Variants in RB1 observed in about 807,000 individuals in gnomAD.
The protein encoded by RB1 is RB transcriptional corepressor 1, also known as retinoblastoma-associated protein.
Under a neutral mutation model 135.4 loss-of-function variants are expected in RB1, and 18 were observed. The observed-to-expected ratio is 0.13, with a 90% CI of 0.09 to 0.20. The LOEUF is 0.20. RB1 is among the 10% of genes least tolerant of loss of function. The pLI, the probability that RB1 is intolerant of heterozygous loss-of-function variation, is 1.00. For missense variants in RB1, 868 were observed against 1,110.0 expected, an observed-to-expected ratio of 0.78 and a Z score of 3.10; for synonymous variants, 365 against 373.2, an observed-to-expected ratio of 0.98 and a Z score of 0.25.
chr13:48,457,756 G>C (rs1014518535), intron 19 of RB1, among the ~76,000 whole-genome samples: 9 of 152,246 alleles, frequency 5.9e-5, no homozygotes, highest in Non-Finnish European at 1.0e-4. Context: ...TGTCAGCGCT[G>C]CCTTGAGCGT....
At chr13:48,381,490 A>G (rs2138146059) in intron 17 of RB1, 47 bp downstream of exon 17, 1 of 1,565,526 alleles carries the variant, frequency 6.4e-7, no homozygotes, top group Non-Finnish European at 8.8e-7. Flanking sequence ...GCATATGGCT[A>G]ACAAATTATT....
In RB1 at chr13:48,376,792, T is replaced by G. The variant is rs118039740; in HGVS notation, c.1216-126T>G. On this transcript the variant is annotated intron_variant, in intron 12 of 26. Coordinates refer to ENST00000267163, the MANE Select transcript of RB1 (RefSeq NM_000321.3). Reference sequence around the variant, plus strand: ...CTTATGTTCAGTAGTTGTGGTTACCTAGTTATTATGGAAGTGTTTCCACAT... The same window carrying G: ...CTTATGTTCAGTAGTTGTGGTTACCGAGTTATTATGGAAGTGTTTCCACAT... The G allele has an allele frequency of 4.1e-3, 5,789 of 1,413,828 alleles. 17 individuals carry two copies. Among genetic ancestry groups the G allele is most frequent in the Non-Finnish European group, 4.8e-3 (4,947 of 1,026,926 alleles). The allele number at this position is 1,413,828 out of a possible 1,614,324, so 87.6% of individuals were successfully genotyped here.
At position 48,337,737 on chromosome 13, in the gene RB1, G is replaced by T. The variant is rs1378264405; in HGVS notation, c.265-4862G>T. On this transcript the variant is annotated intron_variant, in intron 2 of 26. Transcript: ENST00000267163. ...TCCTGTCATTATGATGTTAGCTGGTGATTTTGCTCGTTAGTTGATGCAGTT... is the reference window on the plus strand; with the variant it reads ...TCCTGTCATTATGATGTTAGCTGGTTATTTTGCTCGTTAGTTGATGCAGTT... 7.9e-5 allele frequency among the ~76,000 whole-genome samples: 12 copies of T among 152,200 alleles called. No individual in the cohort carries two copies. The South Asian group carries it at 1.2e-3, about 16-fold the overall frequency.
At position 48,459,900 on chromosome 13, in the gene RB1, T is replaced by TTCCTTC. The variant is rs1566235644; in HGVS notation, c.2106+67_2106+68insTCCTTC. ...CTTGTTAACTGATTCTTTCTTTCTTTCTTTCTTTCTTTCTTTCTTTCTTTC... is the reference window on the plus strand; with the variant it reads ...CTTGTTAACTGATTCTTTCTTTCTTTTCCTTCCTTTCTTTCTTTCTTTCTTTCTTTC... On this transcript the variant is annotated intron_variant, in intron 20 of 26. Transcript: ENST00000267163. 6.7e-6 allele frequency: 3 copies of TTCCTTC among 449,378 alleles called. No homozygotes were observed. In the African/African-American group the frequency reaches 1.5e-4, roughly 23 times the overall value. The allele number at this position is 449,378 out of a possible 1,614,324, so 27.8% of individuals were successfully genotyped here.
In RB1 at chr13:48,465,236, C is replaced by A. The variant is rs778755215; in HGVS notation, c.2357C>A (p.Pro786His). The change falls in exon 23 of 27, where the codon CCT becomes CAT. Residue 786 changes from proline (P) to histidine (H), a missense_variant. By Grantham distance (77) the Pro-to-His change is moderately conservative (BLOSUM62 -2). Coordinates refer to ENST00000267163, the MANE Select transcript of RB1 (RefSeq NM_000321.3). ...PPTLSPIPHI[P>H]RSPYKFPSSP... ...ACCTTGTCACCAATACCTCACATTCCTCGAAGCCCTTACAAGTTTCCTAGT... is the reference window on the plus strand; with the variant it reads ...ACCTTGTCACCAATACCTCACATTCATCGAAGCCCTTACAAGTTTCCTAGT... The A allele has an allele frequency of 6.2e-7, 1 of 1,613,854 alleles. No individual in the cohort carries two copies.
At chr13:48,411,381 GT>G in intron 17 of RB1, 1 of 1,605,780 alleles carries the variant, frequency 6.2e-7, no homozygotes, top group Non-Finnish European at 8.5e-7. Flanking sequence ...AGTCCTAATG[GT>G]TTTATTTCAG....
chr13:48,416,118 TAAAC>T (rs1285073999), intron 17 of RB1, among the ~76,000 whole-genome samples: 1 of 152,184 alleles, frequency 6.6e-6, no homozygotes, highest in Non-Finnish European at 1.5e-5. Flanking sequence ...GAGCGAAAAT[TAAAC>T]AGAGCCAGAT....
chr13:48,304,196 G>T, intron 1 of RB1, 147 bp downstream of exon 1: 1 of 929,994 alleles, frequency 1.1e-6, no homozygotes, highest in Non-Finnish European at 1.4e-6. Flanking sequence ...CCCCGCCACG[G>T]CGGAGCGTCT....
At chr13:48,317,183 C>T (rs1453601708) in intron 2 of RB1, 8 of 583,230 alleles carry the variant, frequency 1.4e-5, no homozygotes, top group South Asian at 4.4e-5. Context: ...GTGGAGGCAG[C>T]CCCATGTCGG....
chr13:48,324,862 GTT>G (rs1555281060), intron 2 of RB1, among the ~76,000 whole-genome samples: 3 of 139,206 alleles, frequency 2.2e-5, no homozygotes, highest in African/African-American at 5.3e-5. Context: ...TTGTTTGTTT[GTT>G]TTTGTTTTTG....
rs914597509 is a variant in RB1 at position 48,318,846 on chromosome 13, G to A, written c.264+11440G>A. 30 of 991,374 alleles carry A rather than the reference G, an allele frequency of 3.0e-5. No individual in the cohort carries two copies. In the Admixed American group the frequency reaches 5.0e-4, roughly 17 times the overall value. The allele number at this position is 991,374 out of a possible 1,614,324, so 61.4% of individuals were successfully genotyped here. On this transcript the variant is annotated intron_variant, in intron 2 of 26. Coordinates refer to ENST00000267163, the MANE Select transcript of RB1 (RefSeq NM_000321.3). ...CTCACCTCTGGCCAGCAAACTCCCC[G>A]ACTATGCCTTGAGGGTCAAAACGTC...
At chr13:48,419,099 C>G (rs948268946) in intron 17 of RB1, among the ~76,000 whole-genome samples, 2 of 152,142 alleles carry the variant, frequency 1.3e-5, no homozygotes, top group African/African-American at 4.8e-5. Context: ...TTCTTAGCAC[C>G]ACATCACACT....
chr13:48,471,968 A>G (rs1389173558), intron 23 of RB1, among the ~76,000 whole-genome samples: 1 of 152,234 alleles, frequency 6.6e-6, no homozygotes, highest in East Asian at 1.9e-4. Context: ...AATGATGAGT[A>G]TGAAGCTGTT....
chr13:48,349,165 T>G, intron 6 of RB1, 142 bp downstream of exon 6: 1 of 830,522 alleles, frequency 1.2e-6, no homozygotes, highest in Non-Finnish European at 1.7e-6. Flanking sequence ...GTTAGCAAGT[T>G]CCTATAATTC....
chr13:48,328,084 T>C (rs561356095), intron 2 of RB1: 1 of 843,482 alleles, frequency 1.2e-6, no homozygotes, highest in South Asian at 1.4e-5. Flanking sequence ...ATCATTTAAT[T>C]GTCTTGGTCA....
At chr13:48,311,586 A>C (rs879538269) in intron 2 of RB1, among the ~76,000 whole-genome samples, 3 of 143,784 alleles carry the variant, frequency 2.1e-5, no homozygotes, top group Non-Finnish European at 4.7e-5. Flanking sequence ...GGTACAGTAG[A>C]TCATCCATAT....
In RB1 at chr13:48,307,360, G is replaced by A. The variant is rs758881668; in HGVS notation, c.218G>A (p.Arg73Lys). The A allele has an allele frequency of 6.2e-7, 1 of 1,612,960 alleles. No individual in the cohort carries two copies. The highest frequency in any genetic ancestry group is 8.5e-7 in the Non-Finnish European group (1 of 1,179,124). Residue 73 changes from arginine to lysine, a missense_variant, in exon 2 of 27, where the codon AGA (arginine) becomes AAA (lysine). This residue lies in a region of RB1 where 641 missense variants were observed against 791.3 expected (regional missense o/e 0.81). Transcript: ENST00000267163. ...AAGATACCAGATCATGTCAGAGAGA[G>A]AGCTTGGTTAACTTGGGAGAAAGTT... ...KLKIPDHVRERAWLTWEKVSS... is the reference protein window; with the variant it reads ...KLKIPDHVREKAWLTWEKVSS...
At chr13:48,368,725 G>T (rs1952728969) in intron 11 of RB1, 121 bp downstream of exon 11, 14 of 1,390,382 alleles carry the variant, frequency 1.0e-5, no homozygotes, top group South Asian at 1.4e-5. Flanking sequence ...TATATTGAAG[G>T]CCAGGTGTGG....
rs778755215 is a variant in RB1, at chr13:48,465,236, C to T, written c.2357C>T (p.Pro786Leu). Reference protein sequence around the residue: ...PPTLSPIPHIPRSPYKFPSSP... With the variant: ...PPTLSPIPHILRSPYKFPSSP... ...ACCTTGTCACCAATACCTCACATTC[C>T]TCGAAGCCCTTACAAGTTTCCTAGT... The change falls in exon 23 of 27, where the codon CCT (proline) becomes CTT (leucine). Residue 786 changes from proline (P) to leucine (L), a missense_variant. This residue lies in a region of RB1 where 196 missense variants were observed against 239.8 expected (regional missense o/e 0.82). Transcript: ENST00000267163. 6.2e-7 allele frequency: 1 copy of T among 1,613,854 alleles called. No homozygotes were observed. Among genetic ancestry groups the T allele is most frequent in the Non-Finnish European group, 8.5e-7 (1 of 1,179,900 alleles).
Sources: allele counts gnomAD v4.1 joint callset (sites outside exome capture counted in the v4.1 genomes callset), GRCh38; gene constraint gnomAD v4.1.1; regional missense constraint gnomAD v4.1.1; transcripts MANE v1.5; gene names NCBI Gene and HGNC (gene_info 2026-07-23, HGNC 2026-07-21).